Variants in KIFAP3 observed in about 807,000 individuals in gnomAD.
KIFAP3 encodes the protein kinesin associated protein 3.
KIFAP3 carries 68 observed loss-of-function variants against 106.5 expected under a neutral mutation model. That is an observed-to-expected ratio of 0.64 (90% CI 0.53 to 0.78). The LOEUF is 0.78. Ranked by LOEUF, KIFAP3 falls within the 30% of genes least tolerant of loss-of-function variation. KIFAP3 has a pLI of 0.00. For synonymous variants in KIFAP3, 320 were observed against 311.5 expected (o/e 1.03, Z -0.29); for missense variants, 780 against 941.8 (o/e 0.83, Z 2.25).
chr1:169,927,175 C>A (rs1186343742), intron 19 of KIFAP3, among the ~76,000 whole-genome samples: 1 of 152,136 alleles, frequency 6.6e-6, no homozygotes, highest in African/African-American at 2.4e-5. Context: ...CATCCATCCA[C>A]CTATCCAAAT....
chr1:169,966,065 T>C (rs1445453067), intron 17 of KIFAP3, among the ~76,000 whole-genome samples: 2 of 151,958 alleles, frequency 1.3e-5, no homozygotes, highest in African/African-American at 4.8e-5. Context: ...GTAGCAATGA[T>C]ACAGATTGTA....
chr1:170,065,277 G>T (rs6427231), intron 1 of KIFAP3, among the ~76,000 whole-genome samples: 14,581 of 152,084 alleles, frequency 0.096, 726 homozygotes, highest in South Asian at 0.13. Context: ...ATTTTTTGGG[G>T]ATGACAGATA....
At chr1:169,939,858 A>G (rs561131730) in intron 19 of KIFAP3, among the ~76,000 whole-genome samples, 5 of 152,232 alleles carry the variant, frequency 3.3e-5, no homozygotes, top group Admixed American at 1.3e-4. Flanking sequence ...AGATTTGGCA[A>G]TATGAAGACT....
intron 4 of KIFAP3, among the ~76,000 whole-genome samples, chr1:170,038,640 A>G (rs1669812315): frequency 6.6e-6 from 1 of 152,244 alleles, no homozygotes; most frequent in African/African-American, 2.4e-5. Flanking sequence ...AGATTTATAT[A>G]AACTTTAAAA....
intron 18 of KIFAP3, among the ~76,000 whole-genome samples, chr1:169,957,397 A>C (rs1665077839): frequency 6.6e-6 from 1 of 152,198 alleles, no homozygotes; most frequent in Non-Finnish European, 1.5e-5. Flanking sequence ...TGCCCCAAGT[A>C]AGATGATAAA....
intron 10 of KIFAP3, among the ~76,000 whole-genome samples, chr1:170,003,636 C>A (rs1391767311): frequency 1.3e-5 from 2 of 152,216 alleles, no homozygotes; most frequent in Admixed American, 6.5e-5. Context: ...AGAGGTGGAG[C>A]CTACAGAGGC....
At chr1:170,085,054 T>A (rs537298629) in exon 1 of KIFAP3, 2 of 152,372 alleles carry the variant, frequency 1.3e-5, no homozygotes, top group Admixed American at 1.3e-4. Context: ...GCCTTTGGGA[T>A]GCCATCAAAT....
At chr1:170,065,891 A>G (rs1189480216) in intron 1 of KIFAP3, among the ~76,000 whole-genome samples, 2 of 152,092 alleles carry the variant, frequency 1.3e-5, no homozygotes, top group Admixed American at 6.5e-5. Context: ...ATTGGACATT[A>G]TTGTTTTGGA....
intron 19 of KIFAP3, among the ~76,000 whole-genome samples, chr1:169,946,367 G>A (rs1664439447): frequency 7.5e-6 from 1 of 133,968 alleles, no homozygotes; most frequent in Admixed American, 7.4e-5. Flanking sequence ...CATGTCAAAT[G>A]TATTAAATCA....
At chr1:169,998,391 TATATATATACAC>T (rs1158506929) in intron 10 of KIFAP3, among the ~76,000 whole-genome samples, 2,423 of 131,996 alleles carry the variant, frequency 0.018, 25 homozygotes, top group Middle Eastern at 0.03. Context: ...GATATATATA[TATATATATACAC>T]ACACACACAC....
At chr1:169,928,018 T>C (rs569555954) in intron 19 of KIFAP3, among the ~76,000 whole-genome samples, 2 of 152,132 alleles carry the variant, frequency 1.3e-5, no homozygotes, top group African/African-American at 2.4e-5. Context: ...TGTCCAAATG[T>C]GAAGTAATGA....
At chr1:169,943,068 T>C (rs1664230556) in intron 19 of KIFAP3, among the ~76,000 whole-genome samples, 1 of 152,186 alleles carries the variant, frequency 6.6e-6, no homozygotes. Context: ...TAGATTTATT[T>C]GGTAATATAA....
chr1:170,013,681 G>A (rs746850265), intron 10 of KIFAP3, among the ~76,000 whole-genome samples: 1 of 152,012 alleles, frequency 6.6e-6, no homozygotes, highest in Non-Finnish European at 1.5e-5. Context: ...GTGTCAGGAC[G>A]TGATATTTAA....
intron 10 of KIFAP3, among the ~76,000 whole-genome samples, chr1:170,007,979 T>C (rs941107425): frequency 6.6e-6 from 1 of 152,130 alleles, no homozygotes; most frequent in Non-Finnish European, 1.5e-5. Context: ...TCTACAACCA[T>C]CTGATCTTTG....
At chr1:170,044,330 C>G (rs979548326) in intron 3 of KIFAP3, among the ~76,000 whole-genome samples, 1 of 152,112 alleles carries the variant, frequency 6.6e-6, no homozygotes, top group African/African-American at 2.4e-5. Context: ...AAAATGGGAA[C>G]CAGTAAGACT....
At chr1:169,930,273 T>A (rs1663389827) in intron 19 of KIFAP3, among the ~76,000 whole-genome samples, 1 of 152,230 alleles carries the variant, frequency 6.6e-6, no homozygotes, top group Non-Finnish European at 1.5e-5. Flanking sequence ...ACTCTTGCTG[T>A]TAGAGCGCTT....
intron 10 of KIFAP3, among the ~76,000 whole-genome samples, chr1:170,003,581 C>A (rs965886663): frequency 2.4e-4 from 28 of 117,812 alleles, no homozygotes; most frequent in Non-Finnish European, 4.0e-4. Context: ...ACATCTAAGT[C>A]TGCAGAGGTT....
intron 9 of KIFAP3, among the ~76,000 whole-genome samples, chr1:170,020,446 T>C (rs920672010): frequency 6.6e-5 from 10 of 152,016 alleles, no homozygotes; most frequent in Non-Finnish European, 1.0e-4. Context: ...CAAACATATA[T>C]GGCCAAATTT....
At position 169,972,498 on chromosome 1, in the gene KIFAP3, A is replaced by C; in HGVS notation, c.1983+15T>G. The C allele has an allele frequency of 8.0e-7, 1 of 1,246,652 alleles. No homozygotes were observed. Among genetic ancestry groups the C allele is most frequent in the South Asian group, 1.3e-5 (1 of 79,418 alleles). 77.2% of individuals were successfully genotyped at this position (1,246,652 alleles called of 1,614,324 possible). A position where few individuals can be genotyped will look rare whatever the true frequency, so the allele number is the denominator to read the frequency against. On this transcript the variant is annotated intron_variant, in intron 17 of 19. Transcript: ENST00000361580. ...GAAGTCAATTATACTTTGTGTAGAAAAAATAATTACTTACCGCTATAATAT... is the reference window on the plus strand; with the variant it reads ...GAAGTCAATTATACTTTGTGTAGAACAAATAATTACTTACCGCTATAATAT...
Sources: gnomAD v4.1 joint callset for allele counts (sites outside exome capture counted in the v4.1 genomes callset) on GRCh38, gnomAD v4.1.1 for gene constraint, MANE v1.5 for transcripts, NCBI Gene and HGNC (gene_info 2026-07-23, HGNC 2026-07-21) for gene names.